The following AAK1 variants were observed in gnomAD, a reference collection of about 807,000 sequenced individuals.
AAK1 encodes AP2-associated protein kinase 1.
AAK1 carries 37 observed loss-of-function variants against 116.0 expected under a neutral mutation model. The observed-to-expected ratio is 0.32, with a 90% CI of 0.25 to 0.42. The LOEUF (loss-of-function observed/expected upper bound fraction) is 0.42, where lower values mean the gene tolerates loss of function less well. AAK1 is among the 10% of genes least tolerant of loss of function. The pLI is 1.00. For synonymous variants in AAK1, 458 were observed against 439.9 expected, an observed-to-expected ratio of 1.04 and a Z score of -0.51; for missense variants, 919 against 1,170.6, an observed-to-expected ratio of 0.79 and a Z score of 3.14.
Position 69,643,737 on chromosome 2 carries a change from A to C in AAK1, c.-397T>G. 8.3e-7 allele frequency: 1 copy of C among 1,206,734 alleles called. No individual in the cohort carries two copies. The highest frequency in any genetic ancestry group is 1.0e-6 in the Non-Finnish European group (1 of 972,182). 74.8% of individuals were successfully genotyped at this position (1,206,734 alleles called of 1,614,324 possible). A position where few individuals can be genotyped will look rare whatever the true frequency, so the allele number is the denominator to read the frequency against. On this transcript the variant is annotated 5_prime_UTR_variant, in exon 1 of 22. Coordinates refer to ENST00000409085, the MANE Select transcript of AAK1 (RefSeq NM_014911.5). ...CTGATCCCGGGAGCGCCGGGCGGAG[A>C]CTGACCCGCCGCCCCTCCCCCGCGC...
intron 2 of AAK1, among the ~76,000 whole-genome samples, chr2:69,629,924 C>T (rs568430487): frequency 6.6e-6 from 1 of 152,246 alleles, no homozygotes; most frequent in African/African-American, 2.4e-5. Context: ...CATCCAGAGG[C>T]AGCTGTGGTG....
chr2:69,528,684 T>A (rs1435046736), intron 8 of AAK1, among the ~76,000 whole-genome samples: 1 of 152,160 alleles, frequency 6.6e-6, no homozygotes, highest in Non-Finnish European at 1.5e-5. Context: ...CTAATGATGA[T>A]AAACTTAATT....
At chr2:69,586,646 C>T (rs1672778868) in intron 2 of AAK1, among the ~76,000 whole-genome samples, 1 of 152,106 alleles carries the variant, frequency 6.6e-6, no homozygotes, top group African/African-American at 2.4e-5. Context: ...TGTCTGGCTT[C>T]TGAGATCTCT....
intron 2 of AAK1, chr2:69,597,258 T>G (rs1258182148): frequency 6.6e-6 from 1 of 152,172 alleles, no homozygotes; most frequent in Non-Finnish European, 1.5e-5. Context: ...CTGGTGAAAC[T>G]GAAAGTATTT....
chr2:69,486,971 TCTC>T (rs1675322859), intron 17 of AAK1, among the ~76,000 whole-genome samples: 1 of 152,046 alleles, frequency 6.6e-6, no homozygotes, highest in African/African-American at 2.4e-5. Context: ...AATTCAGCCT[TCTC>T]CTCTATGAAT....
At position 69,477,736 on chromosome 2, in the gene AAK1, T is replaced by C. The variant is rs868391619; in HGVS notation, c.2681-746A>G. On this transcript the variant is annotated intron_variant, in intron 20 of 21. Coordinates refer to ENST00000409085, the MANE Select transcript of AAK1 (RefSeq NM_014911.5). ...ATAGGTAACTTCCCTCTACATAATC[T>C]ATAAAAACATAATCATTTTAATGTC... is the stretch of plus-strand genomic sequence containing the variant. Among the ~76,000 whole-genome samples the C allele has an allele frequency of 1.6e-4, 24 of 152,336 alleles. No homozygotes were observed. The Middle Eastern group carries it at 0.02, about 130-fold the overall frequency.
rs148416668 is a variant in AAK1, at chr2:69,467,150, C to T, written c.*8719G>A. The T allele has an allele frequency of 1.5e-3, 1,527 of 985,410 alleles. 22 individuals are homozygous for T. The African/African-American group carries it at 0.025, about 16-fold the overall frequency. 61.0% of individuals were successfully genotyped at this position (985,410 alleles called of 1,614,324 possible). A position where few individuals can be genotyped will look rare whatever the true frequency, so the allele number is the denominator to read the frequency against. On this transcript the variant is annotated 3_prime_UTR_variant, in exon 22 of 22. Coordinates refer to ENST00000409085, the MANE Select transcript of AAK1 (RefSeq NM_014911.5). ...GAAGGTACCTTCTGAGGGGAGCATA[C>T]AGCATCAAAATCAGACCAAATAAAT...
In AAK1 at chr2:69,469,171, G is replaced by A. The variant is rs1176529017; in HGVS notation, c.*6698C>T. On this transcript the variant is annotated 3_prime_UTR_variant, in exon 22 of 22. Transcript: ENST00000409085. Reference sequence around the variant, plus strand: ...TTCTATTCTTGTTAGAGGAGGTACAGTGTGGCTGAGGCGGAGAGCAACCAC... The same window carrying A: ...TTCTATTCTTGTTAGAGGAGGTACAATGTGGCTGAGGCGGAGAGCAACCAC... 1 of 985,320 alleles carries A rather than the reference G, an allele frequency of 1.0e-6. No individual in the cohort carries two copies. The highest frequency in any genetic ancestry group is 1.2e-6 in the Non-Finnish European group (1 of 829,972). 61.0% of individuals were successfully genotyped at this position (985,320 alleles called of 1,614,324 possible).
intron 2 of AAK1, among the ~76,000 whole-genome samples, chr2:69,633,035 T>TA (rs200796880): frequency 6.6e-5 from 9 of 137,212 alleles, no homozygotes; most frequent in African/African-American, 1.4e-4. Flanking sequence ...TCCGTCTCAA[T>TA]AAAAAAAATA....
chr2:69,520,358 CTTTTTTTTT>C (rs71397334), intron 11 of AAK1, among the ~76,000 whole-genome samples: 136 of 127,408 alleles, frequency 1.1e-3, no homozygotes, highest in Middle Eastern at 4.1e-3. Flanking sequence ...CAATTCTTTT[CTTTTTTTTT>C]TTTTTTTTTT....
rs562495347 is a variant in AAK1 at position 69,622,260 on chromosome 2, C to A, written c.163+20618G>T. Among the ~76,000 whole-genome samples, 8 of 152,334 alleles carry A rather than the reference C, an allele frequency of 5.3e-5. No individual in the cohort carries two copies. The East Asian group carries it at 1.4e-3, about 26-fold the overall frequency. On this transcript the variant is annotated intron_variant, in intron 2 of 21. Transcript: ENST00000409085. ...TCGATTTCTGGCCGGGCCTTAGCTG[C>A]CTCCCCGCGGGGCAGGGCTTGGGAC...
intron 2 of AAK1, among the ~76,000 whole-genome samples, 173 bp from the exon 3 acceptor site, chr2:69,557,151 A>C (rs1671417889): frequency 6.6e-6 from 1 of 152,142 alleles, no homozygotes; most frequent in African/African-American, 2.4e-5. Flanking sequence ...GAACTTGGAG[A>C]TATTACTTGT....
At chr2:69,520,793 C>T (rs1669744090) in intron 11 of AAK1, 41 bp downstream of exon 11, 1 of 1,513,822 alleles carries the variant, frequency 6.6e-7, no homozygotes, top group Non-Finnish European at 8.8e-7. Context: ...TCCAGAATAA[C>T]AAAGAGGTGT....
At chr2:69,484,264 C>G (rs1251957239) in intron 17 of AAK1, among the ~76,000 whole-genome samples, 1 of 152,140 alleles carries the variant, frequency 6.6e-6, no homozygotes, top group African/African-American at 2.4e-5. Flanking sequence ...CATGGAAAAA[C>G]AGGAACCAAA....
At position 69,473,241 on chromosome 2, in the gene AAK1, T is replaced by C. The variant is rs1674739158; in HGVS notation, c.*2628A>G. On this transcript the variant is annotated 3_prime_UTR_variant, in exon 22 of 22. Transcript: ENST00000409085. ...CCTCTTCTCCCCCGACCCTGTTCAATCCAGCTCAGGTCCCACACCTGTAAA... is the reference window on the plus strand; with the variant it reads ...CCTCTTCTCCCCCGACCCTGTTCAACCCAGCTCAGGTCCCACACCTGTAAA... 5 of 935,072 alleles carry C rather than the reference T, an allele frequency of 5.3e-6. No homozygotes were observed. The highest frequency in any genetic ancestry group is 6.4e-6 in the Non-Finnish European group (5 of 784,154). 57.9% of individuals were successfully genotyped at this position (935,072 alleles called of 1,614,324 possible).
At chr2:69,614,018 C>G (rs1198684859) in intron 2 of AAK1, among the ~76,000 whole-genome samples, 1 of 152,122 alleles carries the variant, frequency 6.6e-6, no homozygotes, top group Non-Finnish European at 1.5e-5. Context: ...GTAGGACACC[C>G]AAACGGTGTC....
At chr2:69,558,310 C>T (rs1035183146) in intron 2 of AAK1, among the ~76,000 whole-genome samples, 1 of 149,798 alleles carries the variant, frequency 6.7e-6, no homozygotes, top group Non-Finnish European at 1.5e-5. Context: ...CGCCACTGAA[C>T]TCCAGCCTGG....
intron 10 of AAK1, among the ~76,000 whole-genome samples, chr2:69,524,007 C>A (rs1055461452): frequency 6.6e-6 from 1 of 152,208 alleles, no homozygotes; most frequent in African/African-American, 2.4e-5. Flanking sequence ...ATGGGCATTT[C>A]CCCAAATAAC....
In AAK1 at chr2:69,473,072, A is replaced by G. The variant is rs962668170; in HGVS notation, c.*2797T>C. On this transcript the variant is annotated 3_prime_UTR_variant, in exon 22 of 22. Transcript: ENST00000409085. Reference sequence around the variant, plus strand: ...TATATACTTAGGACCCTATACTTCTATAATCTTAAAGACCATCTAGTCCAA... The same window carrying G: ...TATATACTTAGGACCCTATACTTCTGTAATCTTAAAGACCATCTAGTCCAA... 1.0e-6 allele frequency: 1 copy of G among 955,670 alleles called. No individual in the cohort carries two copies. The highest frequency in any genetic ancestry group is 6.2e-5 in the Admixed American group (1 of 16,222). 59.2% of individuals were successfully genotyped at this position (955,670 alleles called of 1,614,324 possible).
Sources: allele counts gnomAD v4.1 joint callset (sites outside exome capture counted in the v4.1 genomes callset), GRCh38; gene constraint gnomAD v4.1.1; transcripts MANE v1.5; gene names NCBI Gene and HGNC (gene_info 2026-07-23, HGNC 2026-07-21).